The following NPHP4 variants were observed in gnomAD, a reference collection of about 807,000 sequenced individuals.
NPHP4 encodes the protein nephrocystin 4, also known as nephrocystin-4.
A neutral mutation model predicts 155.8 loss-of-function variants in NPHP4; 151 were observed. That is an observed-to-expected ratio of 0.97 (90% confidence interval 0.85 to 1.11). The LOEUF (loss-of-function observed/expected upper bound fraction) is 1.11, where lower values mean the gene tolerates loss of function less well. NPHP4 is among the 50% of genes least tolerant of loss of function. The pLI, the probability that NPHP4 is intolerant of heterozygous loss-of-function variation, is 0.00. For missense variants in NPHP4, 1,956 were observed against 1,925.7 expected (o/e 1.02, Z -0.29); for synonymous variants, 845 against 816.8 (o/e 1.03, Z -0.59).
chr1:5,874,818 G>T (rs372111916), intron 21 of NPHP4, 56 bp downstream of exon 21: 16 of 1,572,314 alleles, frequency 1.0e-5, no homozygotes, highest in Non-Finnish European at 1.3e-5. Flanking sequence ...CAGGGGTGCC[G>T]GCTGCACCCG....
intron 23 of NPHP4, among the ~76,000 whole-genome samples, chr1:5,871,083 C>T (rs1355545355): frequency 6.6e-6 from 1 of 152,186 alleles, no homozygotes; most frequent in Non-Finnish European, 1.5e-5. Flanking sequence ...AAGGGCATTA[C>T]CTGATAATTT....
At chr1:5,914,809 T>C (rs2101451914) in intron 11 of NPHP4, among the ~76,000 whole-genome samples, 1 of 152,302 alleles carries the variant, frequency 6.6e-6, no homozygotes, top group South Asian at 2.1e-4. Flanking sequence ...TCAGGACACA[T>C]GCATGGAGGC....
intron 5 of NPHP4, among the ~76,000 whole-genome samples, chr1:5,963,494 G>A (rs1294882741): frequency 1.3e-5 from 2 of 152,154 alleles, no homozygotes; most frequent in Non-Finnish European, 1.5e-5. Context: ...TACTGCTAAA[G>A]GTATTTGACC....
intron 18 of NPHP4, among the ~76,000 whole-genome samples, chr1:5,883,704 A>G (rs1477245501): frequency 2.0e-5 from 3 of 152,226 alleles, no homozygotes; most frequent in Admixed American, 2.0e-4. Context: ...AGAATGCTCC[A>G]TAGCTTTCTC....
Position 5,912,581 on chromosome 1 carries a change from G to T in NPHP4, c.1442-3368C>A, listed in dbSNP as rs183551539. Among the ~76,000 whole-genome samples, 1,416 of 148,694 alleles carry T rather than the reference G, an allele frequency of 9.5e-3. 19 individuals carry two copies. Among genetic ancestry groups the T allele is most frequent in the African/African-American group, 0.032 (1,276 of 40,408 alleles). On this transcript the variant is annotated intron_variant, in intron 11 of 29. Coordinates refer to ENST00000378156, the MANE Select transcript of NPHP4 (RefSeq NM_015102.5). ...GAAAAAAGAAAAAAGAAAAATGAAAGAAACCCACAGTGTATACGGGTGTGC... is the reference window on the plus strand; with the variant it reads ...GAAAAAAGAAAAAAGAAAAATGAAATAAACCCACAGTGTATACGGGTGTGC...
chr1:5,911,174 G>A (rs1057083278), intron 11 of NPHP4, among the ~76,000 whole-genome samples: 2 of 152,208 alleles, frequency 1.3e-5, no homozygotes, highest in Admixed American at 1.3e-4. Context: ...GGATTCTGCA[G>A]GGGCCCAGCT....
At chr1:5,868,453 G>A (rs1295009527) in intron 23 of NPHP4, 4 of 234,068 alleles carry the variant, frequency 1.7e-5, no homozygotes, top group South Asian at 5.9e-5. Context: ...GGTATTAATT[G>A]GGACAACTGA....
At chr1:5,886,332 C>T (rs1338912996) in intron 18 of NPHP4, among the ~76,000 whole-genome samples, 2 of 152,236 alleles carry the variant, frequency 1.3e-5, no homozygotes, top group Non-Finnish European at 2.9e-5. Flanking sequence ...GAGCTGTGCA[C>T]TTGAGCCCCT....
intron 11 of NPHP4, among the ~76,000 whole-genome samples, chr1:5,921,208 T>A (rs1645723589): frequency 6.6e-6 from 1 of 152,272 alleles, no homozygotes; most frequent in Middle Eastern, 3.2e-3. Context: ...CGCATAGATC[T>A]ATTTCATTCA....
chr1:5,921,931 C>G (rs191894911), intron 11 of NPHP4, among the ~76,000 whole-genome samples: 13 of 152,346 alleles, frequency 8.5e-5, no homozygotes, highest in African/African-American at 2.6e-4. Flanking sequence ...TGCTGCCACC[C>G]CAGAGATACC....
rs1408058226 is a variant in NPHP4 at position 5,865,273 on chromosome 1, C to T, written c.3645G>A (p.Ser1215=). ...EIKDFFVIIY[S]DRWLATPTQT... is the part of the protein sequence containing the mutation. ...GTGTGGGTGTCGCCAGCCAGCGATC[C>T]CTGCAGTGGGATGGGAGCCATCTGC... The change falls in exon 27 of 30, where the codon TCG becomes TCA. Residue 1215 remains serine (S), a splice_region_variant and synonymous_variant. Transcript: ENST00000378156. 1 of 1,550,786 alleles carries T rather than the reference C, an allele frequency of 6.4e-7. No homozygotes were observed. Among genetic ancestry groups the T allele is most frequent in the Admixed American group, 1.8e-5 (1 of 55,094 alleles).
In NPHP4 at chr1:5,978,428, G is replaced by A; in HGVS notation, c.136-15C>T. 1 of 1,594,738 alleles carries A rather than the reference G, an allele frequency of 6.3e-7. No individual in the cohort carries two copies. Among genetic ancestry groups the A allele is most frequent in the Non-Finnish European group, 8.5e-7 (1 of 1,170,798 alleles). On this transcript the variant is annotated splice_polypyrimidine_tract_variant and intron_variant, in intron 2 of 29. Coordinates refer to ENST00000378156, the MANE Select transcript of NPHP4 (RefSeq NM_015102.5). ...TCCAGCACGCCCTAGGAGACAACGGGGAATTGACCCTCAAGAGTCTGAGCA... is the reference window on the plus strand; with the variant it reads ...TCCAGCACGCCCTAGGAGACAACGGAGAATTGACCCTCAAGAGTCTGAGCA...
At chr1:5,948,012 A>T (rs1422726676) in intron 8 of NPHP4, 58 bp downstream of exon 8, 2 of 1,365,046 alleles carry the variant, frequency 1.5e-6, no homozygotes, top group East Asian at 4.6e-5. Context: ...AAATGACCTC[A>T]TTTCATCGTG....
Position 5,940,261 on chromosome 1 carries a change from AGCCCCCCTTTCTCTT to A in NPHP4, c.1119+6828_1119+6842del, listed in dbSNP as rs1207974496. ...GGGCCTCTTCTACAAGGACGAGTTC[AGCCCCCCTTTCTCTT>A]GCTCACCCTCTCTTTGCCCTTTCGC... On this transcript the variant is annotated intron_variant, in intron 9 of 29. Transcript: ENST00000378156. 4.6e-5 allele frequency among the ~76,000 whole-genome samples: 7 copies of A among 152,310 alleles called. No homozygotes were observed. In the East Asian group the frequency reaches 1.3e-3, roughly 29 times the overall value.
At chr1:5,915,805 A>T (rs1000792020) in intron 11 of NPHP4, among the ~76,000 whole-genome samples, 1 of 152,178 alleles carries the variant, frequency 6.6e-6, no homozygotes, top group Admixed American at 6.5e-5. Context: ...ATGCACCCTT[A>T]CCACCTGCAC....
chr1:5,882,065 C>T lies in NPHP4; in HGVS notation c.2486-1826G>A, dbSNP rs1643336426. Reference sequence around the variant, plus strand: ...TGTGCTGAGAATTCGGCCCTCAAGGCCAGGTTCTGACGGCCACGCTCACAG... The same window carrying T: ...TGTGCTGAGAATTCGGCCCTCAAGGTCAGGTTCTGACGGCCACGCTCACAG... On this transcript the variant is annotated intron_variant, in intron 18 of 29. Transcript: ENST00000378156. This position sits in a 1 kb window ranked among gnomAD's most constrained non-coding sequence, Gnocchi z 5.1. 1 of 152,316 alleles carries T rather than the reference C, an allele frequency of 6.6e-6. No individual in the cohort carries two copies. The highest frequency in any genetic ancestry group is 2.1e-4 in the South Asian group (1 of 4,846). The allele number at this position is 152,316 out of a possible 1,614,324, so 9.4% of individuals were successfully genotyped here. A position where few individuals can be genotyped will look rare whatever the true frequency, so the allele number is the denominator to read the frequency against.
chr1:5,967,457 G>T, intron 4 of NPHP4, 94 bp from the exon 5 acceptor site: 1 of 952,912 alleles, frequency 1.0e-6, no homozygotes, highest in Non-Finnish European at 1.7e-6. Flanking sequence ...ACGCCCACTA[G>T]AGCTTTCTAA....
chr1:5,915,596 C>G (rs148792794), intron 11 of NPHP4, among the ~76,000 whole-genome samples: 82 of 152,166 alleles, frequency 5.4e-4, no homozygotes, highest in African/African-American at 1.9e-3. Flanking sequence ...AGTCCAGATC[C>G]CAGGCAGCCC....
At chr1:5,979,316 G>T (rs905552256) in intron 2 of NPHP4, among the ~76,000 whole-genome samples, 1 of 152,176 alleles carries the variant, frequency 6.6e-6, no homozygotes, top group African/African-American at 2.4e-5. Flanking sequence ...GGTGAAGAAC[G>T]GGGAGAGAGG....
Sources: allele counts gnomAD v4.1 joint callset (sites outside exome capture counted in the v4.1 genomes callset), GRCh38; gene constraint gnomAD v4.1.1; non-coding constraint Gnocchi (gnomAD v3.1); transcripts MANE v1.5; gene names NCBI Gene and HGNC (gene_info 2026-07-23, HGNC 2026-07-21).